KCTD8: variants seen among roughly 807,000 people sequenced by gnomAD.
KCTD8 encodes the protein BTB/POZ domain-containing protein KCTD8.
A neutral mutation model predicts 31.5 loss-of-function variants in KCTD8; 27 were observed. That is an observed-to-expected ratio of 0.86 (90% CI 0.63 to 1.18). The LOEUF is 1.18. Ranked by LOEUF, KCTD8 falls within the 50% of genes most tolerant of loss-of-function variation. The pLI is 0.00. For missense variants in KCTD8, 658 were observed against 647.7 expected (o/e 1.02, Z -0.17); for synonymous variants, 290 against 280.0 (o/e 1.04, Z -0.36).
At position 44,301,894 on chromosome 4, in the gene KCTD8, A is replaced by G. The variant is rs186329340; in HGVS notation, c.962-126644T>C. On this transcript the variant is annotated intron_variant, in intron 1 of 1. Transcript: ENST00000360029. ...TAATCCATCTTGAATTAATTTTTGT[A>G]TAAGGTGTAAGGAAGGGATCCAGTT... Among the ~76,000 whole-genome samples the G allele has an allele frequency of 1.7e-3, 265 of 152,286 alleles. 1 individual carries two copies. The highest frequency in any genetic ancestry group is 5.9e-3 in the African/African-American group (245 of 41,554).
At chr4:44,314,844 A>C (rs1383341978) in intron 1 of KCTD8, among the ~76,000 whole-genome samples, 3 of 151,158 alleles carry the variant, frequency 2.0e-5, no homozygotes, top group African/African-American at 7.3e-5. Flanking sequence ...TTTATATTTA[A>C]ATGTTTATTA....
chr4:44,344,896 C>T (rs1719000248), intron 1 of KCTD8, among the ~76,000 whole-genome samples: 1 of 152,174 alleles, frequency 6.6e-6, no homozygotes, highest in African/African-American at 2.4e-5. Flanking sequence ...TTCCTCTAAG[C>T]AACAGAGAGT....
chr4:44,181,005 A>G (rs544002172), intron 1 of KCTD8, among the ~76,000 whole-genome samples: 3 of 152,312 alleles, frequency 2.0e-5, no homozygotes, highest in African/African-American at 7.2e-5. Flanking sequence ...GACAGTAAGT[A>G]TAGTCCTAGA....
chr4:44,381,823 T>C (rs1397870863), intron 1 of KCTD8, among the ~76,000 whole-genome samples: 1 of 152,042 alleles, frequency 6.6e-6, no homozygotes, highest in African/African-American at 2.4e-5. Context: ...CCTTTCACCA[T>C]GATTGGAAGC....
chr4:44,359,166 A>G (rs1428559879), intron 1 of KCTD8, among the ~76,000 whole-genome samples: 2 of 152,018 alleles, frequency 1.3e-5, no homozygotes, highest in Non-Finnish European at 2.9e-5. Context: ...CTTTAGTTTA[A>G]TTAGATCCCA....
At chr4:44,438,184 G>T (rs1467006856) in intron 1 of KCTD8, among the ~76,000 whole-genome samples, 1 of 152,116 alleles carries the variant, frequency 6.6e-6, no homozygotes, top group Non-Finnish European at 1.5e-5. Context: ...CAAATACCTG[G>T]ACTTTGAGCA....
intron 1 of KCTD8, among the ~76,000 whole-genome samples, chr4:44,224,811 T>C (rs370892130): frequency 5.9e-5 from 9 of 152,146 alleles, no homozygotes; most frequent in Non-Finnish European, 1.3e-4. Flanking sequence ...TTCACAGTCA[T>C]TCAGGACTAC....
At chr4:44,346,219 T>C (rs1719033450) in intron 1 of KCTD8, among the ~76,000 whole-genome samples, 1 of 152,204 alleles carries the variant, frequency 6.6e-6, no homozygotes, top group Admixed American at 6.6e-5. Flanking sequence ...GCTCAGCTTT[T>C]TCAAAATGAC....
intron 1 of KCTD8, among the ~76,000 whole-genome samples, chr4:44,303,939 G>T (rs1379047579): frequency 6.6e-6 from 1 of 152,144 alleles, no homozygotes; most frequent in Non-Finnish European, 1.5e-5. Flanking sequence ...AATCTCAGCT[G>T]CAAGATAAAT....
chr4:44,298,569 C>T (rs1717512980), intron 1 of KCTD8, among the ~76,000 whole-genome samples: 1 of 152,158 alleles, frequency 6.6e-6, no homozygotes, highest in African/African-American at 2.4e-5. Context: ...GAAGAGCTGA[C>T]AGCTCCCCAG....
At chr4:44,220,171 A>G (rs1222818168) in intron 1 of KCTD8, among the ~76,000 whole-genome samples, 1 of 152,164 alleles carries the variant, frequency 6.6e-6, no homozygotes, top group African/African-American at 2.4e-5. Context: ...CTACAGAAAA[A>G]TGGGATAGCT....
At chr4:44,357,633 G>A (rs1457061400) in intron 1 of KCTD8, among the ~76,000 whole-genome samples, 3 of 152,082 alleles carry the variant, frequency 2.0e-5, no homozygotes, top group Non-Finnish European at 2.9e-5. Flanking sequence ...CTGCTTAAAG[G>A]AATCATTAGA....
chr4:44,320,821 T>TA (rs35748647), intron 1 of KCTD8, among the ~76,000 whole-genome samples: 28,343 of 136,180 alleles, frequency 0.21, 3,149 homozygotes, highest in Middle Eastern at 0.31. Flanking sequence ...TCCTGATTCT[T>TA]AAAAAAAAAA....
intron 1 of KCTD8, among the ~76,000 whole-genome samples, chr4:44,442,279 T>G (rs1005617424): frequency 6.6e-6 from 1 of 152,108 alleles, no homozygotes; most frequent in African/African-American, 2.4e-5. Flanking sequence ...AGATATAGAT[T>G]ATCAATTAAC....
At chr4:44,299,775 T>TC (rs1717552905) in intron 1 of KCTD8, among the ~76,000 whole-genome samples, 2 of 150,494 alleles carry the variant, frequency 1.3e-5, no homozygotes, top group Non-Finnish European at 3.0e-5. Context: ...TCCTTTTCTT[T>TC]TTTTTTTTTT....
chr4:44,220,699 G>A (rs1714782178), intron 1 of KCTD8, among the ~76,000 whole-genome samples: 1 of 152,068 alleles, frequency 6.6e-6, no homozygotes, highest in Non-Finnish European at 1.5e-5. Context: ...GTGGAGGTGG[G>A]GGCAAAAGTG....
At chr4:44,186,064 C>G (rs558307826) in intron 1 of KCTD8, among the ~76,000 whole-genome samples, 1 of 152,182 alleles carries the variant, frequency 6.6e-6, no homozygotes, top group Non-Finnish European at 1.5e-5. Flanking sequence ...CAAGACTACT[C>G]TGGCCTGTCA....
At chr4:44,426,360 G>T (rs1721346366) in intron 1 of KCTD8, among the ~76,000 whole-genome samples, 1 of 151,644 alleles carries the variant, frequency 6.6e-6, no homozygotes, top group African/African-American at 2.4e-5. Context: ...TAAGGAAGTT[G>T]ATAGATGAAT....
At chr4:44,330,510 G>C (rs1718567720) in intron 1 of KCTD8, among the ~76,000 whole-genome samples, 1 of 151,804 alleles carries the variant, frequency 6.6e-6, no homozygotes, top group Non-Finnish European at 1.5e-5. Flanking sequence ...TTTTGCAAGG[G>C]CTCCAGTTGC....
Sources: allele counts gnomAD v4.1 joint callset (sites outside exome capture counted in the v4.1 genomes callset), GRCh38; gene constraint gnomAD v4.1.1; transcripts MANE v1.5; gene names NCBI Gene and HGNC (gene_info 2026-07-23, HGNC 2026-07-21).